PCNX2: variants seen among roughly 807,000 people sequenced by gnomAD.
The protein encoded by PCNX2 is pecanex 2, also known as pecanex-like protein 2.
PCNX2 carries 168 observed loss-of-function variants against 223.8 expected under a neutral mutation model. The ratio of observed to expected loss-of-function variants is 0.75; its 90% CI spans 0.66 to 0.85. The LOEUF (loss-of-function observed/expected upper bound fraction) is 0.85. Ranked by LOEUF, PCNX2 falls within the 40% of genes least tolerant of loss-of-function variation. PCNX2 has a pLI of 0.00. For missense variants in PCNX2, 2,507 were observed against 2,675.5 expected (o/e 0.94, Z 1.39); for synonymous variants, 1,006 against 1,052.6 (o/e 0.96, Z 0.86).
chr1:233,237,263 A>AT (rs1658480851), intron 8 of PCNX2, among the ~76,000 whole-genome samples: 1 of 152,052 alleles, frequency 6.6e-6, no homozygotes, highest in East Asian at 1.9e-4. Context: ...GACAACCTTA[A>AT]TTTTTTTAAA....
intron 22 of PCNX2, among the ~76,000 whole-genome samples, chr1:233,092,272 C>T (rs1331690431): frequency 6.6e-6 from 1 of 152,164 alleles, no homozygotes; most frequent in East Asian, 1.9e-4. Context: ...GGAGCCAGGG[C>T]TGGGCAGATG....
chr1:233,310,608 T>C, the PCNX2 span, among the ~76,000 whole-genome samples: 1 of 152,208 alleles, frequency 6.6e-6, no homozygotes, highest in Non-Finnish European at 1.5e-5. Context: ...TTCTTCCAGG[T>C]CCTTCTGCTG....
chr1:233,320,371 G>A, the PCNX2 span, among the ~76,000 whole-genome samples: 1 of 151,790 alleles, frequency 6.6e-6, no homozygotes, highest in African/African-American at 2.4e-5. Flanking sequence ...GTGTGTGTGT[G>A]TATATTTAGT....
intron 12 of PCNX2, among the ~76,000 whole-genome samples, chr1:233,216,492 G>A (rs1656923215): frequency 1.3e-5 from 2 of 152,156 alleles, no homozygotes; most frequent in Non-Finnish European, 2.9e-5. Context: ...ACCACAATGA[G>A]CTATTACCTC....
In PCNX2 at chr1:233,139,683, T is replaced by A; in HGVS notation, c.3659+31A>T. On this transcript the variant is annotated intron_variant, in intron 20 of 33. Coordinates refer to ENST00000258229, the MANE Select transcript of PCNX2 (RefSeq NM_014801.4). This position sits in a 1 kb window ranked among gnomAD's most constrained non-coding sequence, Gnocchi z 4.4. ...CTCGATTTTGAAAATGTGACCCAAA[T>A]CATTATGAAGATAAACCATTAACCA... 6.4e-7 allele frequency: 1 copy of A among 1,553,766 alleles called. No individual in the cohort carries two copies. The highest frequency in any genetic ancestry group is 8.7e-7 in the Non-Finnish European group (1 of 1,147,108).
chr1:233,018,419 T>A (rs991593527), intron 26 of PCNX2, among the ~76,000 whole-genome samples: 3 of 152,222 alleles, frequency 2.0e-5, no homozygotes, highest in Non-Finnish European at 4.4e-5. Context: ...ACATCTGTGA[T>A]ACATTCACAA....
chr1:233,176,956 G>T (rs1275233516), intron 17 of PCNX2, among the ~76,000 whole-genome samples: 1 of 152,154 alleles, frequency 6.6e-6, no homozygotes, highest in Non-Finnish European at 1.5e-5. Flanking sequence ...AGCTTGCAGT[G>T]AGCCGAGATC....
chr1:233,099,765 C>T (rs1296172681), intron 21 of PCNX2, among the ~76,000 whole-genome samples: 1 of 152,096 alleles, frequency 6.6e-6, no homozygotes, highest in Non-Finnish European at 1.5e-5. Flanking sequence ...GAAGAGGGAC[C>T]TCCTGCACCA....
At position 233,255,385 on chromosome 1, in the gene PCNX2, C is replaced by T. The variant is rs898689873; in HGVS notation, c.1835-2597G>A. ...CACATCCGAAGCCTTTCCTTTTTTT[C>T]CACTATAAAGCTTTCTCATTCAAGT... On this transcript the variant is annotated intron_variant, in intron 5 of 33. Coordinates refer to ENST00000258229, the MANE Select transcript of PCNX2 (RefSeq NM_014801.4). Among the ~76,000 whole-genome samples, 4 of 152,142 alleles carry T rather than the reference C, an allele frequency of 2.6e-5. 1 individual carries two copies. Among genetic ancestry groups the T allele is most frequent in the Non-Finnish European group, 5.9e-5 (4 of 68,024 alleles).
At position 233,259,302 on chromosome 1, in the gene PCNX2, G is replaced by A; in HGVS notation, c.560C>T (p.Ser187Phe). ...TTCCACTTTGATACCAGGTGAGGTA[G>A]ATGACACTGGTGCTATGGGATGGTC... is the stretch of plus-strand genomic sequence containing the variant. ...LEDHPIAPVS[S>F]TSPGIKVESL... The change falls in exon 5 of 34, where the codon TCT becomes TTT. Residue 187 changes from serine (S) to phenylalanine (F), a missense_variant. Ser to Phe is a radical substitution (Grantham distance 155). Coordinates refer to ENST00000258229, the MANE Select transcript of PCNX2 (RefSeq NM_014801.4). The A allele has an allele frequency of 6.2e-7, 1 of 1,613,922 alleles. No homozygotes were observed. The highest frequency in any genetic ancestry group is 8.5e-7 in the Non-Finnish European group (1 of 1,179,840).
chr1:233,234,629 A>T (rs72750071), intron 9 of PCNX2, among the ~76,000 whole-genome samples: 5,359 of 152,280 alleles, frequency 0.035, 152 homozygotes, highest in Non-Finnish European at 0.057. Context: ...GAGATATTAA[A>T]TCAATGGATG....
intron 19 of PCNX2, among the ~76,000 whole-genome samples, chr1:233,142,282 A>C (rs114743945): frequency 1.3e-5 from 2 of 152,158 alleles, no homozygotes; most frequent in Non-Finnish European, 2.9e-5. Context: ...AGTAAAAAAA[A>C]ATCTTCAAGA....
chr1:233,108,083 C>A (rs1193754430), intron 21 of PCNX2, among the ~76,000 whole-genome samples: 1 of 152,212 alleles, frequency 6.6e-6, no homozygotes, highest in South Asian at 2.1e-4. Flanking sequence ...CATGAATATT[C>A]CACCCCTTGT....
In PCNX2 at chr1:233,208,532, C is replaced by T. The variant is rs369115693; in HGVS notation, c.2849G>A (p.Arg950Lys). The T allele has an allele frequency of 3.2e-5, 51 of 1,613,684 alleles. No individual in the cohort carries two copies. The highest frequency in any genetic ancestry group is 4.0e-5 in the Non-Finnish European group (47 of 1,179,810). ...AATTAACTCACCTATTAAGTAGTCC[C>T]TAGCTGATTGTAGAAACACTGGAGA... is the stretch of plus-strand genomic sequence containing the variant. The part of the protein sequence containing the change: ...LFSPVFLQSA[R>K]DYLIVFLYCF... Residue 950 changes from arginine (R) to lysine (K), a missense_variant, in exon 13 of 34, where the codon AGG (arginine) becomes AAG (lysine). Coordinates refer to ENST00000258229, the MANE Select transcript of PCNX2 (RefSeq NM_014801.4).
intron 9 of PCNX2, among the ~76,000 whole-genome samples, chr1:233,229,940 A>G (rs1657963670): frequency 6.6e-6 from 1 of 152,212 alleles, no homozygotes; most frequent in South Asian, 2.1e-4. Context: ...GTGAGTAACA[A>G]CAATTATTCT....
chr1:233,083,563 A>G (rs1302971425), intron 23 of PCNX2, among the ~76,000 whole-genome samples: 2 of 152,240 alleles, frequency 1.3e-5, no homozygotes, highest in African/African-American at 2.4e-5. Flanking sequence ...ACTTATGTCT[A>G]TATTACAAAC....
In PCNX2 at chr1:233,178,233, A is replaced by G. The variant is rs150531660; in HGVS notation, c.3177-335T>C. ...AAAAAGTGAACATTGCACTAATACA[A>G]TTGACACTAAAAATTGTGTGAACCA... On this transcript the variant is annotated intron_variant, in intron 16 of 33. Transcript: ENST00000258229. Among the ~76,000 whole-genome samples, 679 of 152,336 alleles carry G rather than the reference A, an allele frequency of 4.5e-3. 5 individuals carry two copies. The highest frequency in any genetic ancestry group is 0.016 in the African/African-American group (645 of 41,570).
At position 233,084,436 on chromosome 1, in the gene PCNX2, C is replaced by A. The variant is rs151145487; in HGVS notation, c.4076+5625G>T. On this transcript the variant is annotated intron_variant, in intron 23 of 33. Transcript: ENST00000258229. Reference sequence around the variant, plus strand: ...TACACATTTGCCATAAAGGATAGCACCCAGAACAATGTAACATTTTAAAAC... The same window carrying A: ...TACACATTTGCCATAAAGGATAGCAACCAGAACAATGTAACATTTTAAAAC... Among the ~76,000 whole-genome samples the A allele has an allele frequency of 3.7e-3, 561 of 152,252 alleles. 4 individuals are homozygous for A. The highest frequency in any genetic ancestry group is 0.013 in the African/African-American group (546 of 41,530).
intron 21 of PCNX2, among the ~76,000 whole-genome samples, chr1:233,122,244 A>G (rs1470460836): frequency 1.3e-5 from 2 of 152,192 alleles, no homozygotes; most frequent in African/African-American, 4.8e-5. Flanking sequence ...ACCTAAGTAT[A>G]AAATAAATAT....
Sources: allele counts gnomAD v4.1 joint callset (sites outside exome capture counted in the v4.1 genomes callset), GRCh38; gene constraint gnomAD v4.1.1; non-coding constraint Gnocchi (gnomAD v3.1); transcripts MANE v1.5; gene names NCBI Gene and HGNC (gene_info 2026-07-23, HGNC 2026-07-21).